The following ARID4B variants were observed in gnomAD, a reference collection of about 807,000 sequenced individuals.
ARID4B encodes AT-rich interaction domain 4B, also known as AT-rich interactive domain-containing protein 4B.
In ARID4B, 26 loss-of-function variants were observed where a neutral mutation model predicts 147.5. The observed-to-expected ratio is 0.18, with a 90% CI of 0.13 to 0.24. ARID4B has a LOEUF of 0.24. Among genes scored for constraint, ARID4B ranks in the 10% least tolerant of loss-of-function variants. The probability of loss-of-function intolerance (pLI) is 1.00; values close to 1 mark genes in which losing one functional copy is unlikely to be tolerated. For missense variants in ARID4B, 1,179 were observed against 1,511.5 expected, an observed-to-expected ratio of 0.78 and a Z score of 3.65; for synonymous variants, 512 against 507.9, an observed-to-expected ratio of 1.01 and a Z score of -0.11.
intron 9 of ARID4B, among the ~76,000 whole-genome samples, chr1:235,234,039 A>G (rs1377468091): frequency 1.3e-5 from 2 of 152,260 alleles, no homozygotes; most frequent in Non-Finnish European, 2.9e-5. Flanking sequence ...AAACTGCACC[A>G]CTGCACTCCA....
chr1:235,220,059 C>T, intron 15 of ARID4B, 91 bp from the exon 16 acceptor site: 1 of 877,948 alleles, frequency 1.1e-6, no homozygotes, highest in Non-Finnish European at 1.6e-6. Flanking sequence ...AGGTATCAAC[C>T]AATTCTAATA....
At chr1:235,289,947 T>C (rs1270769468) in intron 2 of ARID4B, among the ~76,000 whole-genome samples, 1 of 151,892 alleles carries the variant, frequency 6.6e-6, no homozygotes, top group Non-Finnish European at 1.5e-5. Context: ...GAAGAACTGC[T>C]TGAACCTGGG....
Position 235,243,093 on chromosome 1 carries a change from TTTTG to T in ARID4B, c.447-2646_447-2643del, listed in dbSNP as rs1438204670. On this transcript the variant is annotated intron_variant, in intron 7 of 23. Transcript: ENST00000264183. ...GTTGAAGATTTTTTAAGTAATTTTTTTTTGTTTATTGATATATCTCAAGTACCTG... is the reference window on the plus strand; with the variant it reads ...GTTGAAGATTTTTTAAGTAATTTTTTTTTATTGATATATCTCAAGTACCTG... Among the ~76,000 whole-genome samples, 4 of 152,348 alleles carry T rather than the reference TTTTG, an allele frequency of 2.6e-5. No homozygotes were observed. In the East Asian group the frequency reaches 7.7e-4, roughly 29 times the overall value.
intron 2 of ARID4B, among the ~76,000 whole-genome samples, chr1:235,279,913 G>C (rs1671559022): frequency 6.6e-6 from 1 of 152,190 alleles, no homozygotes; most frequent in African/African-American, 2.4e-5. Flanking sequence ...TGTGTGTCTT[G>C]TGTAACTCTA....
rs185425030 is a variant in ARID4B, at chr1:235,279,685, G to A, written c.7-18933C>T. ...TTGGCTAAGAACTCACAGGAACCTG[G>A]ATTTAGGGAGGGTTCCTACCACCAA... is the stretch of plus-strand genomic sequence containing the variant. On this transcript the variant is annotated intron_variant, in intron 2 of 23. Coordinates refer to ENST00000264183, the MANE Select transcript of ARID4B (RefSeq NM_016374.6). Among the ~76,000 whole-genome samples, 39 of 152,330 alleles carry A rather than the reference G, an allele frequency of 2.6e-4. No individual in the cohort carries two copies. In the East Asian group the frequency reaches 7.5e-3, roughly 29 times the overall value.
Position 235,182,110 on chromosome 1 carries a change from T to C in ARID4B, c.2809A>G (p.Lys937Glu). The change falls in exon 20 of 24, where the codon AAA becomes GAA. Residue 937 changes from lysine (K) to glutamate (E), a missense_variant. Transcript: ENST00000264183. ...VWSSIQGQWP[K>E]KTLKELFSDS... ...GAAAAAAGCTCTTTCAGCGTTTTTTTAGGCCACTGTCCCTGAATACTTGAC... is the reference window on the plus strand; with the variant it reads ...GAAAAAAGCTCTTTCAGCGTTTTTTCAGGCCACTGTCCCTGAATACTTGAC... 1 of 1,614,214 alleles carries C rather than the reference T, an allele frequency of 6.2e-7. No homozygotes were observed. The highest frequency in any genetic ancestry group is 8.5e-7 in the Non-Finnish European group (1 of 1,180,040).
chr1:235,327,068 A>G, intron 1 of ARID4B, 100 bp from the exon 2 acceptor site: 2 of 793,106 alleles, frequency 2.5e-6, no homozygotes, highest in South Asian at 3.2e-5. Context: ...ACCCCGAAGA[A>G]AGAGCCGCAA....
At chr1:235,280,111 T>C (rs1671573436) in intron 2 of ARID4B, among the ~76,000 whole-genome samples, 1 of 152,230 alleles carries the variant, frequency 6.6e-6, no homozygotes, top group South Asian at 2.1e-4. Flanking sequence ...ATCCAACACA[T>C]TCTCTTAATT....
rs1309245172 is a variant in ARID4B, at chr1:235,260,759, A to G, written c.7-7T>C. ...AGGGAGGCTCATCAAGGGCCTAAAA[A>G]TGCAAAGAAATATAATTAGATTTAA... is the stretch of plus-strand genomic sequence containing the variant. On this transcript the variant is annotated splice_region_variant and splice_polypyrimidine_tract_variant and intron_variant, in intron 2 of 23. Transcript: ENST00000264183. The G allele has an allele frequency of 6.4e-7, 1 of 1,563,004 alleles. No individual in the cohort carries two copies. Among genetic ancestry groups the G allele is most frequent in the South Asian group, 1.1e-5 (1 of 87,790 alleles).
chr1:235,219,973 A>G lies in ARID4B; in HGVS notation c.1408-5T>C, dbSNP rs1407046290. 5.9e-6 allele frequency: 9 copies of G among 1,523,896 alleles called. No individual in the cohort carries two copies. Among genetic ancestry groups the G allele is most frequent in the Non-Finnish European group, 7.9e-6 (9 of 1,136,624 alleles). 94.4% of individuals were successfully genotyped at this position (1,523,896 alleles called of 1,614,324 possible). A position where few individuals can be genotyped will look rare whatever the true frequency, so the allele number is the denominator to read the frequency against. On this transcript the variant is annotated splice_polypyrimidine_tract_variant and splice_region_variant and intron_variant, in intron 15 of 23. Transcript: ENST00000264183. The stretch of plus-strand genomic sequence containing the variant: ...TAATAAATTCTTTTTACTTCCCTAG[A>G]AAAAGATCAGAGGAAAGAAACCAAC...
chr1:235,195,789 T>C (rs934702200), intron 18 of ARID4B, among the ~76,000 whole-genome samples: 3 of 152,096 alleles, frequency 2.0e-5, no homozygotes, highest in East Asian at 1.9e-4. Flanking sequence ...ATGGCAGAAA[T>C]AGATAAATAA....
rs111261797 is a variant in ARID4B, at chr1:235,234,472, A to G, written c.606T>C (p.Ser202=). The change falls in exon 9 of 24, where the codon AGT becomes AGC. Residue 202 remains serine (S), a synonymous_variant. Coordinates refer to ENST00000264183, the MANE Select transcript of ARID4B (RefSeq NM_016374.6). ...FPALVVCPDC[S]DEIAVKKDNI... is the part of the protein sequence containing the mutation. ...TGTCCTTTTTTACAGCAATCTCATC[A>G]CTACAATCAGGACAAACCACCTTTT... 3.7e-6 allele frequency: 6 copies of G among 1,606,454 alleles called. No individual in the cohort carries two copies. The African/African-American group carries it at 4.0e-5, about 11-fold the overall frequency.
intron 2 of ARID4B, among the ~76,000 whole-genome samples, chr1:235,311,290 C>A (rs1674029398): frequency 6.6e-6 from 1 of 151,204 alleles, no homozygotes; most frequent in South Asian, 2.1e-4. Context: ...AAGGTCAAGG[C>A]TACAGTGAGC....
chr1:235,278,694 G>A (rs1452014425), intron 2 of ARID4B, among the ~76,000 whole-genome samples: 2 of 152,136 alleles, frequency 1.3e-5, no homozygotes, highest in African/African-American at 4.8e-5. Flanking sequence ...AACACACCTT[G>A]TGAACACACA....
chr1:235,231,067 T>C lies in ARID4B; in HGVS notation c.742+46A>G, dbSNP rs1383690858. On this transcript the variant is annotated intron_variant, in intron 10 of 23. Transcript: ENST00000264183. ...AAAAATTTAATCTTCAAAAACACTT[T>C]AGCAGTTTTTACAGTACTTGTAATT... 5.5e-6 allele frequency: 7 copies of C among 1,282,614 alleles called. No individual in the cohort carries two copies. The African/African-American group carries it at 6.1e-5, about 11-fold the overall frequency. 79.5% of individuals were successfully genotyped at this position (1,282,614 alleles called of 1,614,324 possible). A position where few individuals can be genotyped will look rare whatever the true frequency, so the allele number is the denominator to read the frequency against.
intron 7 of ARID4B, 110 bp downstream of exon 7, chr1:235,246,310 C>G: frequency 4.8e-6 from 4 of 827,890 alleles, no homozygotes; most frequent in Non-Finnish European, 7.8e-6. Context: ...TCCGAAATTA[C>G]TATTAGATCT....
At chr1:235,195,430 T>C (rs944598640) in intron 18 of ARID4B, among the ~76,000 whole-genome samples, 36 of 151,818 alleles carry the variant, frequency 2.4e-4, no homozygotes, top group Admixed American at 1.6e-3. Flanking sequence ...CCATCTCTAC[T>C]AAAAATACAA....
chr1:235,310,372 G>C (rs1012850582), intron 2 of ARID4B, among the ~76,000 whole-genome samples: 2 of 152,148 alleles, frequency 1.3e-5, no homozygotes, highest in African/African-American at 2.4e-5. Flanking sequence ...ATAACTAGTA[G>C]AGAGGCAGCA....
chr1:235,211,014 T>C (rs1204152232), intron 17 of ARID4B, among the ~76,000 whole-genome samples: 5 of 152,198 alleles, frequency 3.3e-5, no homozygotes, highest in African/African-American at 1.2e-4. Flanking sequence ...TACTAAGCCT[T>C]TTTTGTTTAA....
Sources: allele counts gnomAD v4.1 joint callset (sites outside exome capture counted in the v4.1 genomes callset), GRCh38; gene constraint gnomAD v4.1.1; transcripts MANE v1.5; gene names NCBI Gene and HGNC (gene_info 2026-07-23, HGNC 2026-07-21).